ANKIB1: variants seen among roughly 807,000 people sequenced by gnomAD.
ANKIB1 encodes the protein ankyrin repeat and IBR domain containing 1.
Under a neutral mutation model 122.1 loss-of-function variants are expected in ANKIB1, and 43 were observed. The observed-to-expected ratio is 0.35, with a 90% CI of 0.28 to 0.45. The LOEUF (loss-of-function observed/expected upper bound fraction) is 0.45. ANKIB1 is among the 20% of genes least tolerant of loss of function. ANKIB1 has a pLI of 1.00. For synonymous variants in ANKIB1, 390 were observed against 442.0 expected (o/e 0.88, Z 1.48); for missense variants, 992 against 1,329.5 (o/e 0.75, Z 3.95).
intron 1 of ANKIB1, among the ~76,000 whole-genome samples, chr7:92,256,152 A>G (rs1801440437): frequency 6.6e-6 from 1 of 152,158 alleles, no homozygotes; most frequent in Non-Finnish European, 1.5e-5. Context: ...CGTTTTCAGG[A>G]GGAATTGGTA....
Position 92,357,943 on chromosome 7 carries a change from G to A in ANKIB1, c.1398-4242G>A, listed in dbSNP as rs1362381979. Among the ~76,000 whole-genome samples the A allele has an allele frequency of 3.9e-5, 6 of 152,074 alleles. No homozygotes were observed. In the South Asian group the frequency reaches 1.0e-3, roughly 26 times the overall value. ...CCGTAGTTTTTAAATATATTTTATA[G>A]TATTAAATGGCAACCTCGGCCAGGT... On this transcript the variant is annotated intron_variant, in intron 9 of 19. Coordinates refer to ENST00000265742, the MANE Select transcript of ANKIB1 (RefSeq NM_019004.2).
chr7:92,355,255 CT>C (rs917080156), intron 9 of ANKIB1, among the ~76,000 whole-genome samples: 17 of 121,732 alleles, frequency 1.4e-4, no homozygotes, highest in Admixed American at 9.7e-4. Flanking sequence ...GACTTTTCCT[CT>C]TTTTTTTTCT....
At chr7:92,369,324 G>T (rs1234618412) in intron 10 of ANKIB1, among the ~76,000 whole-genome samples, 5 of 152,296 alleles carry the variant, frequency 3.3e-5, no homozygotes, top group African/African-American at 1.2e-4. Context: ...TCTCTTTGCT[G>T]TGTGGAATTA....
At chr7:92,273,921 T>A (rs866788166) in intron 1 of ANKIB1, among the ~76,000 whole-genome samples, 3 of 152,146 alleles carry the variant, frequency 2.0e-5, no homozygotes, top group Middle Eastern at 3.4e-3. Flanking sequence ...TGCAAGTATG[T>A]GCCACCATGG....
At chr7:92,347,720 G>A (rs1324327592) in intron 7 of ANKIB1, among the ~76,000 whole-genome samples, 1 of 152,128 alleles carries the variant, frequency 6.6e-6, no homozygotes, top group Non-Finnish European at 1.5e-5. Context: ...GGATACAATA[G>A]GTCACTGGGC....
intron 5 of ANKIB1, among the ~76,000 whole-genome samples, chr7:92,341,737 A>G (rs1051323612): frequency 2.6e-5 from 4 of 152,314 alleles, no homozygotes; most frequent in Admixed American, 1.3e-4. Flanking sequence ...CTGACTTAGG[A>G]TGGTTTGACT....
intron 5 of ANKIB1, among the ~76,000 whole-genome samples, chr7:92,335,587 T>A (rs1441744387): frequency 2.0e-5 from 3 of 152,016 alleles, no homozygotes; most frequent in African/African-American, 7.2e-5. Flanking sequence ...TTTATAATTA[T>A]GTCTTTCTGA....
rs1315852148 is a variant in ANKIB1 at position 92,388,912 on chromosome 7, A to G, written c.1906+871A>G. Among the ~76,000 whole-genome samples the G allele has an allele frequency of 3.2e-4, 48 of 152,196 alleles. 1 individual carries two copies. Among genetic ancestry groups the G allele is most frequent in the Admixed American group, 3.1e-3 (48 of 15,268 alleles). ...TAGACTTCATTAATGATATAACTAT[A>G]TTAGGCAATATCAAACTCTTGAAGT... On this transcript the variant is annotated intron_variant, in intron 14 of 19. Coordinates refer to ENST00000265742, the MANE Select transcript of ANKIB1 (RefSeq NM_019004.2).
chr7:92,325,495 T>C (rs1180782666), intron 4 of ANKIB1, among the ~76,000 whole-genome samples: 2 of 152,178 alleles, frequency 1.3e-5, no homozygotes, highest in East Asian at 3.8e-4. Flanking sequence ...CCACCCTCCC[T>C]CCCAAGCTAA....
intron 1 of ANKIB1, among the ~76,000 whole-genome samples, chr7:92,265,390 T>G (rs1409124068): frequency 6.6e-6 from 1 of 151,848 alleles, no homozygotes; most frequent in Admixed American, 6.6e-5. Flanking sequence ...GCAGAAGCCC[T>G]AAGGGTTAAA....
chr7:92,264,706 C>T (rs1801634975), intron 1 of ANKIB1, among the ~76,000 whole-genome samples: 1 of 152,032 alleles, frequency 6.6e-6, no homozygotes, highest in Non-Finnish European at 1.5e-5. Context: ...GCCACTGTGC[C>T]CAGCCTCATT....
intron 8 of ANKIB1, among the ~76,000 whole-genome samples, chr7:92,352,085 T>G (rs1585121384): frequency 2.0e-5 from 3 of 152,132 alleles, no homozygotes; most frequent in East Asian, 3.9e-4. Context: ...ATTTAGAAAT[T>G]TACTGTTCTA....
chr7:92,380,140 A>C (rs1804478232), intron 11 of ANKIB1, among the ~76,000 whole-genome samples: 1 of 152,178 alleles, frequency 6.6e-6, no homozygotes, highest in Non-Finnish European at 1.5e-5. Context: ...AGCCTTGCTC[A>C]CTGCTATTCC....
chr7:92,386,709 A>G (rs1229830502), intron 12 of ANKIB1, 66 bp downstream of exon 12: 2 of 1,346,278 alleles, frequency 1.5e-6, no homozygotes, highest in African/African-American at 3.0e-5. Flanking sequence ...ATTATTTTGT[A>G]TTTCTTTTTC....
At chr7:92,388,155 G>C in intron 14 of ANKIB1, 114 bp downstream of exon 14, 1 of 1,034,382 alleles carries the variant, frequency 9.7e-7, no homozygotes, top group Non-Finnish European at 1.4e-6. Flanking sequence ...GCTTGTTCTG[G>C]TACTGTTTTG....
At chr7:92,382,661 G>A (rs1450643409) in intron 11 of ANKIB1, among the ~76,000 whole-genome samples, 1 of 152,118 alleles carries the variant, frequency 6.6e-6, no homozygotes, top group Admixed American at 6.6e-5. Context: ...ATGAAATGAA[G>A]GCAGAAATAA....
At chr7:92,397,685 T>C (rs1465329443) in intron 18 of ANKIB1, 38 bp from the exon 19 acceptor site, 10 of 1,604,548 alleles carry the variant, frequency 6.2e-6, no homozygotes, top group Non-Finnish European at 8.5e-6. Flanking sequence ...GTCTTATTTG[T>C]CACTAAATTG....
At chr7:92,302,872 G>T (rs1179999680) in intron 2 of ANKIB1, among the ~76,000 whole-genome samples, 3 of 152,046 alleles carry the variant, frequency 2.0e-5, no homozygotes, top group Non-Finnish European at 4.4e-5. Context: ...GACTTTATCT[G>T]TTTTCTTTAC....
At chr7:92,350,392 G>A (rs546097945) in intron 7 of ANKIB1, among the ~76,000 whole-genome samples, 6 of 152,148 alleles carry the variant, frequency 3.9e-5, no homozygotes, top group African/African-American at 1.4e-4. Context: ...TTTTTAGAGA[G>A]GGTAAAGCAA....
Sources: allele counts gnomAD v4.1 joint callset (sites outside exome capture counted in the v4.1 genomes callset), GRCh38; gene constraint gnomAD v4.1.1; transcripts MANE v1.5; gene names NCBI Gene and HGNC (gene_info 2026-07-23, HGNC 2026-07-21).